The following TMC2 variants were observed in gnomAD, a reference collection of about 807,000 sequenced individuals.
TMC2 encodes the protein transmembrane channel-like protein 2.
TMC2 carries 102 observed loss-of-function variants against 105.9 expected under a neutral mutation model. The ratio of observed to expected loss-of-function variants is 0.96; its 90% CI spans 0.82 to 1.14. The LOEUF is 1.14. Ranked by LOEUF, TMC2 falls within the 50% of genes most tolerant of loss-of-function variation. The pLI is 0.00. For missense variants in TMC2, 1,093 were observed against 1,134.3 expected (o/e 0.96, Z 0.52); for synonymous variants, 402 against 422.8 (o/e 0.95, Z 0.60).
chr20:2,632,791 A>G (rs955400929), intron 17 of TMC2, among the ~76,000 whole-genome samples: 3 of 152,174 alleles, frequency 2.0e-5, no homozygotes, highest in African/African-American at 7.2e-5. Flanking sequence ...GGGTTTCCCC[A>G]TGTTGGCCAG....
rs185906560 is a variant in TMC2, at chr20:2,562,570, C to T, written c.554+560C>T. ...CAACAGGCCTCCTGCCCATGCCACT[C>T]GACTCCTGTTTTCTACTCAGCCACT... On this transcript the variant is annotated intron_variant, in intron 4 of 19. Coordinates refer to ENST00000358864, the MANE Select transcript of TMC2 (RefSeq NM_080751.3). Among the ~76,000 whole-genome samples, 41 of 152,366 alleles carry T rather than the reference C, an allele frequency of 2.7e-4. No homozygotes were observed. The East Asian group carries it at 7.3e-3, about 27-fold the overall frequency.
intron 17 of TMC2, among the ~76,000 whole-genome samples, chr20:2,628,426 T>C (rs2086579384): frequency 6.6e-6 from 1 of 152,228 alleles, no homozygotes; most frequent in Non-Finnish European, 1.5e-5. Flanking sequence ...ATTTTCTATA[T>C]ATAAATTTTG....
In TMC2 at chr20:2,612,304, G is replaced by A. The variant is rs1568524318; in HGVS notation, c.1707G>A (p.Val569=). The change falls in exon 13 of 20, where the codon GTG becomes GTA. Residue 569 remains valine (V), a synonymous_variant. Coordinates refer to ENST00000358864, the MANE Select transcript of TMC2 (RefSeq NM_080751.3). ...GACCACCCCTGCACCCTGCAGATGT[G>A]CCCCGGGGTTCTTGCTGGGAGACAG... ...VPRPPLHPAD[V]PRGSCWETAV... is the part of the protein sequence containing the mutation. 1 of 1,590,958 alleles carries A rather than the reference G, an allele frequency of 6.3e-7. No individual in the cohort carries two copies. The highest frequency in any genetic ancestry group is 8.6e-7 in the Non-Finnish European group (1 of 1,164,852).
chr20:2,629,033 C>T (rs2086584326), intron 17 of TMC2, among the ~76,000 whole-genome samples: 4 of 151,596 alleles, frequency 2.6e-5, no homozygotes, highest in South Asian at 2.1e-4. Flanking sequence ...ACCCGGGAGG[C>T]GGAGCTTGCA....
chr20:2,569,191 C>T (rs759397873), intron 4 of TMC2, among the ~76,000 whole-genome samples: 4 of 152,190 alleles, frequency 2.6e-5, no homozygotes, highest in Non-Finnish European at 5.9e-5. Context: ...CAACTCAAAG[C>T]TACTAACAGT....
In TMC2 at chr20:2,558,665, A is replaced by G. The variant is rs1555771160; in HGVS notation, c.292A>G (p.Arg98Gly). 6.3e-7 allele frequency: 1 copy of G among 1,592,192 alleles called. No homozygotes were observed. Among genetic ancestry groups the G allele is most frequent in the Non-Finnish European group, 8.6e-7 (1 of 1,169,398 alleles). ...RGEAERTCEG[R>G]RKRDERASFQ... ...CGAGGCAGAGAGGACCTGCGAGGGC[A>G]GGAGAAAGCGCGACGAGAGGGCCTC... The change falls in exon 3 of 20, where the codon AGG becomes GGG. Residue 98 changes from arginine to glycine, a missense_variant. Transcript: ENST00000358864. This position sits in a 1 kb window ranked among gnomAD's most constrained non-coding sequence, Gnocchi z 4.6.
In TMC2 at chr20:2,558,354, G is replaced by T. The variant is rs118114556; in HGVS notation, c.83-102G>T. The T allele has an allele frequency of 6.6e-7, 1 of 1,511,836 alleles. No homozygotes were observed. Among genetic ancestry groups the T allele is most frequent in the Non-Finnish European group, 8.9e-7 (1 of 1,128,750 alleles). The allele number at this position is 1,511,836 out of a possible 1,614,324, so 93.7% of individuals were successfully genotyped here. A position where few individuals can be genotyped will look rare whatever the true frequency, so the allele number is the denominator to read the frequency against. ...GTTCTGAGCCCCGCAGAGCTCACAAGCTCTCGGAATCATCTTGGACGTCTG... is the reference window on the plus strand; with the variant it reads ...GTTCTGAGCCCCGCAGAGCTCACAATCTCTCGGAATCATCTTGGACGTCTG... On this transcript the variant is annotated intron_variant, in intron 2 of 19. Coordinates refer to ENST00000358864, the MANE Select transcript of TMC2 (RefSeq NM_080751.3). This position sits in a 1 kb window ranked among gnomAD's most constrained non-coding sequence, Gnocchi z 4.6.
At position 2,593,189 on chromosome 20, in the gene TMC2, A is replaced by T. The variant is rs184861599; in HGVS notation, c.933+781A>T. Among the ~76,000 whole-genome samples, 222 of 152,236 alleles carry T rather than the reference A, an allele frequency of 1.5e-3. 2 individuals carry two copies. Among genetic ancestry groups the T allele is most frequent in the Admixed American group, 0.013 (198 of 15,278 alleles). On this transcript the variant is annotated intron_variant, in intron 8 of 19. Coordinates refer to ENST00000358864, the MANE Select transcript of TMC2 (RefSeq NM_080751.3). ...AGAGAGCACAGGGGAAATGCCAGAA[A>T]CTTATCAGAACAACCAGATCTCACC...
rs137926190 is a variant in TMC2, at chr20:2,555,120, G to A, written c.83-3336G>A. Among the ~76,000 whole-genome samples, 1,421 of 151,874 alleles carry A rather than the reference G, an allele frequency of 9.4e-3. 25 individuals carry two copies. The highest frequency in any genetic ancestry group is 0.031 in the African/African-American group (1,296 of 41,402). On this transcript the variant is annotated intron_variant, in intron 2 of 19. Coordinates refer to ENST00000358864, the MANE Select transcript of TMC2 (RefSeq NM_080751.3). ...TTTTGAGATGGAGTCTCACTCTGTC[G>A]CCCAGGCTGGAGTGCAATGGTGCCA...
intron 5 of TMC2, among the ~76,000 whole-genome samples, chr20:2,577,534 T>C (rs1276713148): frequency 2.6e-5 from 4 of 152,152 alleles, no homozygotes; most frequent in Non-Finnish European, 5.9e-5. Flanking sequence ...GCTGGTTCCC[T>C]TCTTTATACA....
In TMC2 at chr20:2,642,008, C is replaced by T. The variant is rs767746200; in HGVS notation, c.*657C>T. The stretch of plus-strand genomic sequence containing the variant: ...GCTGAGGCAGAAGGATCACTTGAGC[C>T]CAGGAGGCAGAGGTTGCAGTTAGCT... On this transcript the variant is annotated 3_prime_UTR_variant, in exon 20 of 20. Coordinates refer to ENST00000358864, the MANE Select transcript of TMC2 (RefSeq NM_080751.3). Among the ~76,000 whole-genome samples, 7 of 152,028 alleles carry T rather than the reference C, an allele frequency of 4.6e-5. No homozygotes were observed. The highest frequency in any genetic ancestry group is 8.8e-5 in the Non-Finnish European group (6 of 68,016).
chr20:2,593,535 C>T (rs928149354), intron 8 of TMC2, among the ~76,000 whole-genome samples: 1 of 152,108 alleles, frequency 6.6e-6, no homozygotes, highest in Non-Finnish European at 1.5e-5. Context: ...GATTGTAAGG[C>T]CTAAAGATTG....
At chr20:2,583,957 G>A (rs1350994905) in intron 7 of TMC2, among the ~76,000 whole-genome samples, 1 of 152,100 alleles carries the variant, frequency 6.6e-6, no homozygotes, top group Non-Finnish European at 1.5e-5. Flanking sequence ...AGGGTAATTT[G>A]TTATATAGCA....
intron 5 of TMC2, among the ~76,000 whole-genome samples, chr20:2,576,599 G>A (rs542488329): frequency 1.8e-4 from 27 of 152,304 alleles, no homozygotes; most frequent in African/African-American, 5.3e-4. Context: ...GGGAGGACTC[G>A]CATTAATAAA....
At chr20:2,550,037 G>A (rs1402087476) in intron 2 of TMC2, among the ~76,000 whole-genome samples, 3 of 152,026 alleles carry the variant, frequency 2.0e-5, no homozygotes, top group Admixed American at 2.0e-4. Context: ...ACAAAAATTA[G>A]TTGGGCATAG....
At chr20:2,577,054 C>T (rs1044484507) in intron 5 of TMC2, among the ~76,000 whole-genome samples, 2 of 151,786 alleles carry the variant, frequency 1.3e-5, no homozygotes, top group African/African-American at 2.4e-5. Context: ...ATTACAGGTG[C>T]CTGCCACCAC....
chr20:2,594,493 G>T (rs1022561583), intron 8 of TMC2, among the ~76,000 whole-genome samples: 4 of 152,248 alleles, frequency 2.6e-5, no homozygotes, highest in African/African-American at 9.6e-5. Context: ...CTCCCAAAGT[G>T]CTGGGATTAC....
At chr20:2,620,284 T>C (rs969412988) in intron 16 of TMC2, among the ~76,000 whole-genome samples, 10 of 152,194 alleles carry the variant, frequency 6.6e-5, no homozygotes, top group African/African-American at 2.2e-4. Context: ...CTCAGCCTTA[T>C]CTAGATTGCA....
At chr20:2,579,471 G>T (rs2086173208) in intron 6 of TMC2, among the ~76,000 whole-genome samples, 1 of 151,212 alleles carries the variant, frequency 6.6e-6, no homozygotes, top group African/African-American at 2.4e-5. Flanking sequence ...GCCCAGGCTG[G>T]AGTGCAGTGG....
Sources: allele counts gnomAD v4.1 joint callset (sites outside exome capture counted in the v4.1 genomes callset), GRCh38; gene constraint gnomAD v4.1.1; non-coding constraint Gnocchi (gnomAD v3.1); transcripts MANE v1.5; gene names NCBI Gene and HGNC (gene_info 2026-07-23, HGNC 2026-07-21).